The following CCDC7 variants were observed in gnomAD, a reference collection of about 807,000 sequenced individuals.
The protein encoded by CCDC7 is coiled-coil domain containing 7.
In CCDC7, 183 loss-of-function variants were observed where a neutral mutation model predicts 196.9. The observed-to-expected ratio is 0.93, with a 90% CI of 0.82 to 1.05. The LOEUF (loss-of-function observed/expected upper bound fraction) is 1.05. CCDC7 is among the 50% of genes least tolerant of loss of function. The pLI, the probability that CCDC7 is intolerant of heterozygous loss-of-function variation, is 0.00. For missense variants in CCDC7, 1,540 were observed against 1,482.2 expected (o/e 1.04, Z -0.64); for synonymous variants, 525 against 484.6 (o/e 1.08, Z -1.10).
rs138631006 is a variant in CCDC7 at position 32,722,672 on chromosome 10, T to TA, written c.2570-4060dup. Among the ~76,000 whole-genome samples the TA allele has an allele frequency of 7.9e-3, 1,202 of 152,234 alleles. 7 individuals are homozygous for TA. The highest frequency in any genetic ancestry group is 0.02 in the Middle Eastern group (6 of 294). On this transcript the variant is annotated intron_variant, in intron 25 of 41. Transcript: ENST00000639629. ...ATTTATATTGAATTAGGGCCCACTC[T>TA]AATGACCTCATTTTCATTAATCTCT...
chr10:32,877,428 G>A (rs920730127), downstream of CCDC7, among the ~76,000 whole-genome samples: 1 of 152,020 alleles, frequency 6.6e-6, no homozygotes, highest in East Asian at 1.9e-4. Context: ...GCAAGTTGCC[G>A]ATAATTGGGT....
chr10:32,752,513 C>A (rs1386207586), intron 28 of CCDC7, among the ~76,000 whole-genome samples: 1 of 152,088 alleles, frequency 6.6e-6, no homozygotes, highest in Non-Finnish European at 1.5e-5. Flanking sequence ...CCTCAAATTT[C>A]TGTTCACAAG....
intron 14 of CCDC7, 103 bp from the exon 16 acceptor site, chr10:32,567,567 G>A (rs2057008228): frequency 7.6e-6 from 10 of 1,322,682 alleles, no homozygotes; most frequent in Non-Finnish European, 1.0e-5. Context: ...AAAATGAGTT[G>A]AGAAATCATG....
At chr10:32,697,936 C>T (rs2078001182) in intron 24 of CCDC7, among the ~76,000 whole-genome samples, 1 of 152,196 alleles carries the variant, frequency 6.6e-6, no homozygotes, top group Admixed American at 6.5e-5. Context: ...GGCTGACTAA[C>T]ACCACAAACA....
intron 8 of CCDC7, among the ~76,000 whole-genome samples, chr10:32,490,580 A>C (rs1332626244): frequency 6.6e-6 from 1 of 152,150 alleles, no homozygotes; most frequent in Non-Finnish European, 1.5e-5. Flanking sequence ...GCTGATCATG[A>C]GGTCAGGAGA....
intron 18 of CCDC7, among the ~76,000 whole-genome samples, chr10:32,608,587 G>C (rs1022580957): frequency 6.6e-6 from 1 of 151,832 alleles, no homozygotes; most frequent in African/African-American, 2.4e-5. Context: ...TGTTGCCCAG[G>C]CGGTGTGCAG....
chr10:32,750,388 T>A (rs745542257), intron 28 of CCDC7, among the ~76,000 whole-genome samples: 2 of 152,152 alleles, frequency 1.3e-5, no homozygotes, highest in Non-Finnish European at 2.9e-5. Flanking sequence ...AGGAAAACTT[T>A]AATAATCTCG....
chr10:32,445,607 C>T (rs2030753467), upstream of CCDC7, among the ~76,000 whole-genome samples: 1 of 152,178 alleles, frequency 6.6e-6, no homozygotes, highest in African/African-American at 2.4e-5. Flanking sequence ...ATCTAAAAAA[C>T]TCTACCTTGT....
At chr10:32,733,518 A>T (rs2084341602) in intron 28 of CCDC7, among the ~76,000 whole-genome samples, 1 of 152,126 alleles carries the variant, frequency 6.6e-6, no homozygotes, top group Non-Finnish European at 1.5e-5. Context: ...ATAATTTTCA[A>T]TATCATTGAT....
At chr10:32,871,584 T>C (rs917028876) in intron 41 of CCDC7, among the ~76,000 whole-genome samples, 11 of 151,768 alleles carry the variant, frequency 7.2e-5, no homozygotes, top group Middle Eastern at 3.4e-3. Flanking sequence ...GAAGGGTTTT[T>C]TGTGTCTCTA....
At chr10:32,626,532 AATTTC>A (rs1011514771) in intron 18 of CCDC7, among the ~76,000 whole-genome samples, 2 of 151,914 alleles carry the variant, frequency 1.3e-5, no homozygotes, top group Non-Finnish European at 2.9e-5. Flanking sequence ...AATTATTAAT[AATTTC>A]CTTTGCTGTG....
At chr10:32,465,949 T>C (rs1039423466) in intron 5 of CCDC7, among the ~76,000 whole-genome samples, 1 of 152,214 alleles carries the variant, frequency 6.6e-6, no homozygotes, top group Non-Finnish European at 1.5e-5. Context: ...CTATTCCTGA[T>C]ATTTAATCTA....
downstream of CCDC7, among the ~76,000 whole-genome samples, chr10:32,877,801 T>G (rs2094641502): frequency 6.6e-6 from 1 of 152,172 alleles, no homozygotes; most frequent in East Asian, 1.9e-4. Flanking sequence ...CCTACCAGTT[T>G]TCTGCCTTGC....
intron 28 of CCDC7, among the ~76,000 whole-genome samples, chr10:32,746,099 C>A (rs563817926): frequency 5.3e-5 from 8 of 152,124 alleles, no homozygotes; most frequent in Non-Finnish European, 1.2e-4. Context: ...GCATCTCCCA[C>A]TGAGAGACCA....
chr10:32,879,143 A>G (rs1593788944), downstream of CCDC7, among the ~76,000 whole-genome samples: 1 of 152,034 alleles, frequency 6.6e-6, no homozygotes, highest in East Asian at 1.9e-4. Flanking sequence ...GGTTTGCTGC[A>G]CCCATCAACC....
At chr10:32,847,688 C>T in intron 37 of CCDC7, 145 bp from the exon 39 acceptor site, 1 of 561,760 alleles carries the variant, frequency 1.8e-6, no homozygotes, top group South Asian at 2.3e-5. Context: ...GCACTCCAGC[C>T]TGAGTGACAG....
exon 26 of CCDC7, chr10:32,726,738 A>G: frequency 1.3e-6 from 2 of 1,564,190 alleles, no homozygotes; most frequent in Non-Finnish European, 1.8e-6. Context: ...TTGTAGTACC[A>G]GATAAAAATT....
At chr10:32,677,949 A>G (rs1008024596) in intron 21 of CCDC7, among the ~76,000 whole-genome samples, 2 of 151,388 alleles carry the variant, frequency 1.3e-5, no homozygotes, top group South Asian at 2.1e-4. Flanking sequence ...CCTGTCTTAG[A>G]GTTTGTTGCT....
intron 2 of CCDC7, among the ~76,000 whole-genome samples, chr10:32,453,680 T>G (rs1160461675): frequency 2.6e-5 from 4 of 152,092 alleles, no homozygotes; most frequent in African/African-American, 4.8e-5. Context: ...GACCAACATT[T>G]TAAAGATAGA....
Sources: gnomAD v4.1 joint callset for allele counts (sites outside exome capture counted in the v4.1 genomes callset) on GRCh38, gnomAD v4.1.1 for gene constraint, MANE v1.5 for transcripts, NCBI Gene and HGNC (gene_info 2026-07-23, HGNC 2026-07-21) for gene names.